SLFN12: variants seen among roughly 807,000 people sequenced by gnomAD.
The protein encoded by SLFN12 is schlafen family member 12.
SLFN12 carries 25 observed loss-of-function variants against 29.1 expected under a neutral mutation model. That is an observed-to-expected ratio of 0.86 (90% CI 0.63 to 1.20). The LOEUF (loss-of-function observed/expected upper bound fraction) is 1.20. Among genes scored for constraint, SLFN12 ranks in the 50% most tolerant of loss-of-function variants. SLFN12 has a pLI of 0.00. For synonymous variants in SLFN12, 257 were observed against 238.7 expected (o/e 1.08, Z -0.71); for missense variants, 660 against 666.2 (o/e 0.99, Z 0.10).
intron 3 of SLFN12, among the ~76,000 whole-genome samples, chr17:35,414,737 T>G (rs1911220587): frequency 6.6e-6 from 1 of 151,894 alleles, no homozygotes; most frequent in African/African-American, 2.4e-5. Flanking sequence ...AAGCTGAGAA[T>G]CAAATCAAAA....
Position 35,423,170 on chromosome 17 carries a change from T to C in SLFN12, c.-40-102A>G, listed in dbSNP as rs9303686. 0.014 allele frequency: 17,887 copies of C among 1,305,782 alleles called. 1,887 individuals are homozygous for C. The African/African-American group carries it at 0.23, about 17-fold the overall frequency. 80.9% of individuals were successfully genotyped at this position (1,305,782 alleles called of 1,614,324 possible). On this transcript the variant is annotated intron_variant, in intron 1 of 3. Transcript: ENST00000304905. ...AAAAAATCCTGTGCTGTATATATTC[T>C]ACTAGACTGGTAAGTATATGGATAT...
chr17:35,425,384 C>A lies in SLFN12; in HGVS notation c.-40-2316G>T, dbSNP rs535165229. On this transcript the variant is annotated intron_variant, in intron 1 of 3. Coordinates refer to ENST00000304905, the MANE Select transcript of SLFN12 (RefSeq NM_018042.5). ...AATAGAGCTCTTGAACTTATTCCTC[C>A]TATCTAACTGACATTTTGTAACCTT... 7.9e-5 allele frequency among the ~76,000 whole-genome samples: 12 copies of A among 152,110 alleles called. No homozygotes were observed. In the East Asian group the frequency reaches 2.3e-3, roughly 29 times the overall value.
At chr17:35,418,658 A>G (rs534518166) in intron 3 of SLFN12, among the ~76,000 whole-genome samples, 15 of 151,548 alleles carry the variant, frequency 9.9e-5, no homozygotes, top group Admixed American at 4.6e-4. Context: ...TTGGAAAGTC[A>G]AAAGTTATAC....
At position 35,422,061 on chromosome 17, in the gene SLFN12, T is replaced by C. The variant is rs1446013608; in HGVS notation, c.968A>G (p.His323Arg). The change falls in exon 2 of 4, where the codon CAT (histidine) becomes CGT (arginine). Residue 323 changes from histidine (H) to arginine (R), a missense_variant. By Grantham distance (29) the His-to-Arg change is conservative (BLOSUM62 0). Coordinates refer to ENST00000304905, the MANE Select transcript of SLFN12 (RefSeq NM_018042.5). ...CTGCATCACACGGTTATCTTTCACA[T>C]GCCAGGAATCAGGCTCTTTAGCAAA... ...AVFAKEPDSW[H>R]VKDNRVMQLT... is the part of the protein sequence containing the mutation. The C allele has an allele frequency of 4.3e-6, 7 of 1,614,128 alleles. No individual in the cohort carries two copies. The highest frequency in any genetic ancestry group is 1.1e-5 in the South Asian group (1 of 91,090).
chr17:35,414,123 G>C (rs1394620392), intron 3 of SLFN12, among the ~76,000 whole-genome samples: 2 of 151,990 alleles, frequency 1.3e-5, no homozygotes, highest in Admixed American at 6.6e-5. Context: ...GGAAGTCCTA[G>C]CCAGAGCAAT....
At chr17:35,427,783 A>G (rs1912093485) in intron 1 of SLFN12, among the ~76,000 whole-genome samples, 1 of 152,164 alleles carries the variant, frequency 6.6e-6, no homozygotes, top group Non-Finnish European at 1.5e-5. Context: ...CAATCATTCG[A>G]TATAATTATA....
At chr17:35,416,743 G>A (rs1160890135) in intron 3 of SLFN12, among the ~76,000 whole-genome samples, 1 of 151,948 alleles carries the variant, frequency 6.6e-6, no homozygotes, top group Non-Finnish European at 1.5e-5. Context: ...GAAAGAGTAG[G>A]CAACCCTTTT....
At position 35,422,593 on chromosome 17, in the gene SLFN12, G is replaced by T; in HGVS notation, c.436C>A (p.Leu146Ile). The T allele has an allele frequency of 6.2e-7, 1 of 1,614,028 alleles. No homozygotes were observed. Among genetic ancestry groups the T allele is most frequent in the Non-Finnish European group, 8.5e-7 (1 of 1,179,996 alleles). ...VMNATAALEF[L>I]KDMKKTRGRL... ...CCTCTAGTCTTTTTCATGTCTTTGAGGAACTCCAGTGCAGCAGTGGCATTC... is the reference window on the plus strand; with the variant it reads ...CCTCTAGTCTTTTTCATGTCTTTGATGAACTCCAGTGCAGCAGTGGCATTC... The change falls in exon 2 of 4, where the codon CTC becomes ATC. Residue 146 changes from leucine (L) to isoleucine (I), a missense_variant. By Grantham distance (5) the Leu-to-Ile change is conservative. Transcript: ENST00000304905.
chr17:35,414,148 G>A (rs1270487540), intron 3 of SLFN12, among the ~76,000 whole-genome samples: 1 of 151,964 alleles, frequency 6.6e-6, no homozygotes, highest in East Asian at 1.9e-4. Context: ...GAAGAAAAAA[G>A]AAATAAAAAG....
chr17:35,428,271 A>G lies in SLFN12; in HGVS notation c.-41+3917T>C, dbSNP rs1341736913. Among the ~76,000 whole-genome samples the G allele has an allele frequency of 2.0e-5, 3 of 152,272 alleles. No homozygotes were observed. In the East Asian group the frequency reaches 5.8e-4, roughly 29 times the overall value. On this transcript the variant is annotated intron_variant, in intron 1 of 3. Transcript: ENST00000304905. ...TAATTGTATCAGAATTATCGCTAGC[A>G]AATTTATCTTAGTGGTGATTACAGC... is the stretch of plus-strand genomic sequence containing the variant.
intron 1 of SLFN12, among the ~76,000 whole-genome samples, chr17:35,425,805 C>T (rs1464030552): frequency 7.6e-6 from 1 of 130,754 alleles, no homozygotes. Context: ...GTTGCTGAAT[C>T]ATATGGTGGT....
rs202091883 is a variant in SLFN12 at position 35,411,745 on chromosome 17, C to T, written c.1330G>A (p.Ala444Thr). ...GGACTGTCCTGGGAAATCAGAAGAG[C>T]ATCACAGAGGACTTTGTGGTTCTCT... ...LQENHKVLCD[A>T]LLISQDSPPV... is the part of the protein sequence containing the mutation. Residue 444 changes from alanine to threonine, a missense_variant, in exon 4 of 4, where the codon GCT (alanine) becomes ACT (threonine). By Grantham distance (58) the Ala-to-Thr change is moderately conservative (BLOSUM62 0). Transcript: ENST00000304905. The T allele has an allele frequency of 6.2e-7, 1 of 1,614,050 alleles. No individual in the cohort carries two copies. Among genetic ancestry groups the T allele is most frequent in the Non-Finnish European group, 8.5e-7 (1 of 1,180,002 alleles).
At chr17:35,423,420 T>G (rs1660530265) in intron 1 of SLFN12, among the ~76,000 whole-genome samples, 1 of 152,112 alleles carries the variant, frequency 6.6e-6, no homozygotes, top group South Asian at 2.1e-4. Flanking sequence ...TGAACCAGGC[T>G]TTAGTTATAC....
chr17:35,430,651 A>G (rs916786679), intron 1 of SLFN12: 6 of 152,176 alleles, frequency 3.9e-5, no homozygotes, highest in African/African-American at 1.4e-4. Flanking sequence ...GCCTATTATT[A>G]TGATGACTAT....
At chr17:35,427,549 C>A (rs1912081954) in intron 1 of SLFN12, among the ~76,000 whole-genome samples, 1 of 152,042 alleles carries the variant, frequency 6.6e-6, no homozygotes, top group African/African-American at 2.4e-5. Flanking sequence ...ACATGAGGAC[C>A]TTTTTGCAGT....
intron 3 of SLFN12, among the ~76,000 whole-genome samples, chr17:35,416,746 A>G (rs767283394): frequency 6.6e-6 from 1 of 152,042 alleles, no homozygotes; most frequent in African/African-American, 2.4e-5. Flanking sequence ...AGAGTAGGCA[A>G]CCCTTTTATT....
chr17:35,425,388 C>T (rs555288740), intron 1 of SLFN12, among the ~76,000 whole-genome samples: 1 of 152,150 alleles, frequency 6.6e-6, no homozygotes, highest in African/African-American at 2.4e-5. Context: ...TTCCTCCTAT[C>T]TAACTGACAT....
intron 1 of SLFN12, among the ~76,000 whole-genome samples, chr17:35,428,665 G>C (rs1032822262): frequency 6.6e-6 from 1 of 152,046 alleles, no homozygotes; most frequent in African/African-American, 2.4e-5. Flanking sequence ...TCCAAAAAAA[G>C]AGAACCTAAG....
At chr17:35,420,427 C>T (rs755031062) in intron 2 of SLFN12, 46 bp from the exon 3 acceptor site, 3 of 1,220,930 alleles carry the variant, frequency 2.5e-6, no homozygotes, top group Non-Finnish European at 3.6e-6. Context: ...GAAGGGAGAC[C>T]CCAACTAACT....
Sources: gnomAD v4.1 joint callset for allele counts (sites outside exome capture counted in the v4.1 genomes callset) on GRCh38, gnomAD v4.1.1 for gene constraint, MANE v1.5 for transcripts, NCBI Gene and HGNC (gene_info 2026-07-23, HGNC 2026-07-21) for gene names.